Variants in ADGRL3 observed in about 807,000 individuals in gnomAD.
ADGRL3 encodes adhesion G protein-coupled receptor L3, also known as calcium-independent alpha-latrotoxin receptor 3.
In ADGRL3, 62 loss-of-function variants were observed where a neutral mutation model predicts 153.5. The observed-to-expected ratio is 0.40, with a 90% CI of 0.33 to 0.50. The LOEUF (loss-of-function observed/expected upper bound fraction) is 0.50. ADGRL3 is among the 20% of genes least tolerant of loss of function. The probability of loss-of-function intolerance (pLI) is 0.47; values close to 1 mark genes in which losing one functional copy is unlikely to be tolerated. For synonymous variants in ADGRL3, 710 were observed against 672.5 expected (o/e 1.06, Z -0.86); for missense variants, 1,641 against 1,859.4 (o/e 0.88, Z 2.16).
At position 61,266,004 on chromosome 4, in the gene ADGRL3, T is replaced by TAA. The variant is rs1196285887; in HGVS notation, c.-240+64240_-240+64241dup. Reference sequence around the variant, plus strand: ...TACTAACTTTTGAATTTCGCATATTTAAGTCTTTTTATATTTCTAGAATTT... The same window carrying TAA: ...TACTAACTTTTGAATTTCGCATATTTAAAAGTCTTTTTATATTTCTAGAATTT... On this transcript the variant is annotated intron_variant, in intron 1 of 26. Transcript: ENST00000683033. Among the ~76,000 whole-genome samples the TAA allele has an allele frequency of 9.2e-5, 14 of 152,028 alleles. No homozygotes were observed. In the East Asian group the frequency reaches 2.1e-3, roughly 23 times the overall value.
intron 1 of ADGRL3, among the ~76,000 whole-genome samples, chr4:61,226,704 G>T (rs1376601287): frequency 1.3e-5 from 2 of 152,080 alleles, no homozygotes; most frequent in Non-Finnish European, 2.9e-5. Flanking sequence ...ATTTCAAAGT[G>T]CCTGGAAGAA....
At chr4:61,671,855 C>T (rs2095016082) in intron 5 of ADGRL3, among the ~76,000 whole-genome samples, 1 of 152,148 alleles carries the variant, frequency 6.6e-6, no homozygotes, top group Non-Finnish European at 1.5e-5. Context: ...GGCCACTGTT[C>T]TGGACTCCAC....
chr4:61,992,969 C>T (rs2099108552), intron 19 of ADGRL3, among the ~76,000 whole-genome samples: 1 of 152,056 alleles, frequency 6.6e-6, no homozygotes, highest in Non-Finnish European at 1.5e-5. Context: ...GATTCCTTAA[C>T]TTGTAAAATA....
intron 9 of ADGRL3, among the ~76,000 whole-genome samples, chr4:61,869,839 G>A (rs538938975): frequency 1.3e-5 from 2 of 150,040 alleles, no homozygotes; most frequent in Non-Finnish European, 3.0e-5. Context: ...TCCGGAAGCT[G>A]AGACAGGAGG....
At chr4:61,239,861 T>C (rs1454256208) in intron 1 of ADGRL3, among the ~76,000 whole-genome samples, 1 of 152,064 alleles carries the variant, frequency 6.6e-6, no homozygotes, top group Non-Finnish European at 1.5e-5. Flanking sequence ...AAATAGATTA[T>C]TGAGAAAGAA....
chr4:61,531,261 G>A (rs555580208), intron 4 of ADGRL3, among the ~76,000 whole-genome samples: 54 of 152,256 alleles, frequency 3.5e-4, no homozygotes, highest in African/African-American at 1.2e-3. Context: ...GCTACCACCT[G>A]CACCCTTAGG....
At chr4:61,811,023 C>T (rs1041636802) in intron 8 of ADGRL3, among the ~76,000 whole-genome samples, 11 of 152,166 alleles carry the variant, frequency 7.2e-5, no homozygotes, top group Middle Eastern at 3.4e-3. Flanking sequence ...TCATTGGGAC[C>T]TTTATATCCT....
intron 5 of ADGRL3, among the ~76,000 whole-genome samples, chr4:61,648,027 G>T (rs2094103833): frequency 6.6e-6 from 1 of 152,098 alleles, no homozygotes; most frequent in African/African-American, 2.4e-5. Context: ...TATAAAATGT[G>T]TATGTTCCAT....
intron 1 of ADGRL3, among the ~76,000 whole-genome samples, chr4:61,249,076 A>G (rs1408037581): frequency 6.6e-6 from 1 of 152,182 alleles, no homozygotes; most frequent in East Asian, 1.9e-4. Context: ...TGAAGTTTAG[A>G]CAATTAGAGT....
Position 61,983,551 on chromosome 4 carries a change from A to G in ADGRL3, c.3184A>G (p.Ile1062Val), listed in dbSNP as rs368184460. ...GGTCGGCTATGGGATGCCTGCACTC[A>G]TTGTGGCTGTGTCAGCTGCAGTAGA... ...YLVGYGMPAL[I>V]VAVSAAVDYR... The change falls in exon 19 of 27, where the codon ATT becomes GTT. Residue 1062 changes from isoleucine to valine, a missense_variant. Physicochemically the swap from Ile to Val is conservative, Grantham distance 29. This residue lies in a region of ADGRL3 where 32 missense variants were observed against 66.2 expected (regional missense o/e 0.48). Transcript: ENST00000683033. 1 of 1,613,964 alleles carries G rather than the reference A, an allele frequency of 6.2e-7. No individual in the cohort carries two copies. Among genetic ancestry groups the G allele is most frequent in the Non-Finnish European group, 8.5e-7 (1 of 1,179,860 alleles).
intron 1 of ADGRL3, among the ~76,000 whole-genome samples, chr4:61,289,910 A>G (rs144558957): frequency 3.4e-4 from 51 of 152,224 alleles, no homozygotes; most frequent in Middle Eastern, 3.4e-3. Flanking sequence ...AAACAAAATT[A>G]CCCATGTAAA....
chr4:61,208,970 T>C (rs989411026), intron 1 of ADGRL3, among the ~76,000 whole-genome samples: 9 of 152,128 alleles, frequency 5.9e-5, no homozygotes, highest in Non-Finnish European at 1.3e-4. Context: ...TCCGATTACC[T>C]TTACTAGATA....
intron 4 of ADGRL3, among the ~76,000 whole-genome samples, chr4:61,558,293 A>C (rs2148926543): frequency 6.6e-6 from 1 of 150,380 alleles, no homozygotes; most frequent in South Asian, 2.1e-4. Context: ...TGTACTTTTA[A>C]ATAGTTCTTC....
In ADGRL3 at chr4:62,074,375, C is replaced by CTT. The variant is rs1560589337; in HGVS notation, c.*3469_*3470dup. ...TCTTTGAAATCTAGTTCACATGACA[C>CTT]TTTATCAGGGACACTAGCTAATGGA... On this transcript the variant is annotated 3_prime_UTR_variant, in exon 27 of 27. Transcript: ENST00000683033. 2 of 152,040 alleles carry CTT rather than the reference C, an allele frequency of 1.3e-5. No homozygotes were observed. Among genetic ancestry groups the CTT allele is most frequent in the East Asian group, 3.9e-4 (2 of 5,184 alleles). The allele number at this position is 152,040 out of a possible 1,614,324, so 9.4% of individuals were successfully genotyped here. A position where few individuals can be genotyped will look rare whatever the true frequency, so the allele number is the denominator to read the frequency against.
chr4:62,002,855 G>A (rs1420732569), intron 21 of ADGRL3, among the ~76,000 whole-genome samples: 1 of 152,036 alleles, frequency 6.6e-6, no homozygotes, highest in Non-Finnish European at 1.5e-5. Context: ...ATGTAAATAT[G>A]AATAAACCTG....
At chr4:61,976,453 G>A (rs1374016606) in intron 17 of ADGRL3, among the ~76,000 whole-genome samples, 2 of 152,150 alleles carry the variant, frequency 1.3e-5, no homozygotes, top group African/African-American at 2.4e-5. Flanking sequence ...CCTAATCCAA[G>A]TATCACCTTG....
chr4:61,453,140 G>C (rs2097694544), intron 2 of ADGRL3, among the ~76,000 whole-genome samples: 1 of 152,138 alleles, frequency 6.6e-6, no homozygotes, highest in Non-Finnish European at 1.5e-5. Context: ...TTTGATTCCT[G>C]AAGGTTGATT....
intron 5 of ADGRL3, among the ~76,000 whole-genome samples, chr4:61,622,561 G>A (rs770674026): frequency 2.7e-5 from 4 of 146,812 alleles, no homozygotes; most frequent in Non-Finnish European, 5.9e-5. Context: ...GAAGGAGGAG[G>A]AAGAAGAAGA....
At chr4:61,820,749 G>A (rs2097745086) in intron 9 of ADGRL3, among the ~76,000 whole-genome samples, 1 of 152,090 alleles carries the variant, frequency 6.6e-6, no homozygotes, top group Non-Finnish European at 1.5e-5. Context: ...GTGATTTTAT[G>A]GCAGATTTGT....
Sources: allele counts gnomAD v4.1 joint callset (sites outside exome capture counted in the v4.1 genomes callset), GRCh38; gene constraint gnomAD v4.1.1; regional missense constraint gnomAD v4.1.1; transcripts MANE v1.5; gene names NCBI Gene and HGNC (gene_info 2026-07-23, HGNC 2026-07-21).